AHNAK2: variants seen among roughly 807,000 people sequenced by gnomAD.
AHNAK2 encodes AHNAK nucleoprotein 2.
AHNAK2 carries 18 observed loss-of-function variants against 30.7 expected under a neutral mutation model. The observed-to-expected ratio is 0.59, with a 90% CI of 0.41 to 0.87. The LOEUF (loss-of-function observed/expected upper bound fraction) is 0.87. Among genes scored for constraint, AHNAK2 ranks in the 40% least tolerant of loss-of-function variants. The probability of loss-of-function intolerance (pLI) is 0.00; values close to 1 mark genes in which losing one functional copy is unlikely to be tolerated. For synonymous variants in AHNAK2, 3,590 were observed against 3,073.8 expected (o/e 1.17, Z -5.56); for missense variants, 8,604 against 7,373.0 (o/e 1.17, Z -6.11).
At position 104,948,929 on chromosome 14, in the gene AHNAK2, G is replaced by A. The variant is rs755497062; in HGVS notation, c.6522C>T (p.Ala2174=). 4 of 1,555,812 alleles carry A rather than the reference G, an allele frequency of 2.6e-6. No homozygotes were observed. The highest frequency in any genetic ancestry group is 1.7e-5 in the Admixed American group (1 of 57,608). The change falls in exon 7 of 7, where the codon GCC becomes GCT. Residue 2174 remains alanine, a synonymous_variant. Transcript: ENST00000333244. ...CCTTGGGTGGAGACACATCCACCGA[G>A]GCCTCGATGGACTTGCCTGGGGCAG... The part of the protein sequence containing the change: ...GVSAPGKSIE[A]SVDVSPPKVE...
At chr14:104,961,472 G>A (rs766465031) in intron 1 of AHNAK2, among the ~76,000 whole-genome samples, 1 of 149,402 alleles carries the variant, frequency 6.7e-6, no homozygotes, top group Non-Finnish European at 1.5e-5. Flanking sequence ...CCGAGATCGC[G>A]TCACTGCACT....
chr14:104,941,240 T>C lies in AHNAK2; in HGVS notation c.14211A>G (p.Ser4737=), dbSNP rs758825318. The part of the protein sequence containing the change: ...SSIGLSTIPL[S]SSECSSFELQ... ...ATTCAAAACTTGAGCATTCTGAAGA[T>C]GATAAAGGAATCGTGGAAAGACCTA... Residue 4737 remains serine, a synonymous_variant, in exon 7 of 7, where the codon TCA becomes TCG. Transcript: ENST00000333244. 1.5e-5 allele frequency: 25 copies of C among 1,613,532 alleles called. No homozygotes were observed. The Admixed American group carries it at 1.7e-4, about 11-fold the overall frequency.
At position 104,942,251 on chromosome 14, in the gene AHNAK2, CT is replaced by C; in HGVS notation, c.13199del (p.Gln4400ArgfsTer2). ...KVPKVDLKGP[Q>X]IDVNVPKLDL... The stretch of plus-strand genomic sequence containing the variant: ...CCAGCTTGGGGACATTAACGTCTAT[CT>C]GGGGACCCTTGAGGTCCACTTTGGG... On this transcript the variant is annotated frameshift_variant, in exon 7 of 7. Coordinates refer to ENST00000333244, the MANE Select transcript of AHNAK2 (RefSeq NM_138420.4). LOFTEE classifies it low-confidence loss of function (END_TRUNC). 1 of 1,613,124 alleles carries C rather than the reference CT, an allele frequency of 6.2e-7. No individual in the cohort carries two copies. The highest frequency in any genetic ancestry group is 8.5e-7 in the Non-Finnish European group (1 of 1,179,770).
rs777292646 is a variant in AHNAK2, at chr14:104,945,617, G to C, written c.9834C>G (p.Val3278=). 6.4e-5 allele frequency: 102 copies of C among 1,594,382 alleles called. 2 individuals carry two copies. The highest frequency in any genetic ancestry group is 5.3e-4 in the Admixed American group (31 of 58,730). Reference sequence around the variant, plus strand: ...CATCCAACTTGGCTCCTGGGGCCTCGACGTCCACCTCCATGCTGGGCTGAG... The same window carrying C: ...CATCCAACTTGGCTCCTGGGGCCTCCACGTCCACCTCCATGCTGGGCTGAG... ...EVSQPSMEVD[V]EAPGAKLDGA... The change falls in exon 7 of 7, where the codon GTC becomes GTG. Residue 3278 remains valine, a synonymous_variant. Transcript: ENST00000333244.
At position 104,949,917 on chromosome 14, in the gene AHNAK2, G is replaced by C. The variant is rs201136817; in HGVS notation, c.5534C>G (p.Ser1845Trp). The C allele has an allele frequency of 6.3e-7, 1 of 1,588,966 alleles. No individual in the cohort carries two copies. The highest frequency in any genetic ancestry group is 8.6e-7 in the Non-Finnish European group (1 of 1,163,736). ...CACCTTCGGCGCAGACACATCCACC[G>C]AGGCCTCGATGGACTTGCCTGGGGC... is the stretch of plus-strand genomic sequence containing the variant. ...VSAPGKSIEA[S>W]VDVSAPKVEA... The change falls in exon 7 of 7, where the codon TCG becomes TGG. Residue 1845 changes from serine (S) to tryptophan (W), a missense_variant. Coordinates refer to ENST00000333244, the MANE Select transcript of AHNAK2 (RefSeq NM_138420.4).
At chr14:104,960,316 C>T (rs993317116) in intron 1 of AHNAK2, among the ~76,000 whole-genome samples, 2 of 152,182 alleles carry the variant, frequency 1.3e-5, no homozygotes, top group African/African-American at 2.4e-5. Flanking sequence ...CCAAAAATTG[C>T]ACCTGTACTG....
At position 104,945,980 on chromosome 14, in the gene AHNAK2, G is replaced by T. The variant is rs887704477; in HGVS notation, c.9471C>A (p.Ala3157=). 2 of 1,261,388 alleles carry T rather than the reference G, an allele frequency of 1.6e-6. 1 individual carries two copies. 78.1% of individuals were successfully genotyped at this position (1,261,388 alleles called of 1,614,324 possible). Residue 3157 remains alanine (A), a synonymous_variant, in exon 7 of 7, where the codon GCC becomes GCA. Transcript: ENST00000333244. ...CCAAGACCTCAATGGACTTGCCTGG[G>T]GCAGACACCCCGAACGACGGCATCT... is the stretch of plus-strand genomic sequence containing the variant. ...KFKMPSFGVS[A]PGKSIEVLVD...
Position 104,950,094 on chromosome 14 carries a change from A to T in AHNAK2, c.5357T>A (p.Leu1786Gln), listed in dbSNP as rs768322267. 14 of 1,586,824 alleles carry T rather than the reference A, an allele frequency of 8.8e-6. 1 individual carries two copies. The African/African-American group carries it at 1.1e-4, about 13-fold the overall frequency. Reference protein sequence around the residue: ...EVMAPDVEVSLPSVEVDVEAP... With the variant: ...EVMAPDVEVSQPSVEVDVEAP... Reference sequence around the variant, plus strand: ...CTCGACGTCCACCTCCACGCTGGGCAGAGACACCTCCACGTCGGGGGCCAT... The same window carrying T: ...CTCGACGTCCACCTCCACGCTGGGCTGAGACACCTCCACGTCGGGGGCCAT... The change falls in exon 7 of 7, where the codon CTG (leucine) becomes CAG (glutamine). Residue 1786 changes from leucine to glutamine, a missense_variant. Coordinates refer to ENST00000333244, the MANE Select transcript of AHNAK2 (RefSeq NM_138420.4).
Position 104,957,819 on chromosome 14 carries a change from G to A in AHNAK2, c.56-147C>T, listed in dbSNP as rs1000281306. On this transcript the variant is annotated intron_variant, in intron 1 of 6. Transcript: ENST00000333244. Reference sequence around the variant, plus strand: ...ATCGGAGAGCAAACTCAGGGGCTGGGGGAAGATCTATAGCCAATGGGCTGG... The same window carrying A: ...ATCGGAGAGCAAACTCAGGGGCTGGAGGAAGATCTATAGCCAATGGGCTGG... 37 of 804,582 alleles carry A rather than the reference G, an allele frequency of 4.6e-5. No homozygotes were observed. In the African/African-American group the frequency reaches 5.3e-4, roughly 11 times the overall value. 49.8% of individuals were successfully genotyped at this position (804,582 alleles called of 1,614,324 possible). A position where few individuals can be genotyped will look rare whatever the true frequency, so the allele number is the denominator to read the frequency against.
In AHNAK2 at chr14:104,946,603, C is replaced by A. The variant is rs773267236; in HGVS notation, c.8848G>T (p.Ala2950Ser). The A allele has an allele frequency of 4.3e-6, 7 of 1,612,810 alleles. No individual in the cohort carries two copies. Among genetic ancestry groups the A allele is most frequent in the Admixed American group, 3.3e-5 (2 of 59,934 alleles). Residue 2950 changes from alanine (A) to serine (S), a missense_variant, in exon 7 of 7, where the codon GCC (alanine) becomes TCC (serine). Physicochemically the swap from Ala to Ser is moderately conservative, Grantham distance 99 (BLOSUM62 1). Transcript: ENST00000333244. ...SLPSVEVDVE[A>S]PRAKLDGARL... is the part of the protein sequence containing the mutation. Reference sequence around the variant, plus strand: ...GCACCATCCAGCTTTGCTCTCGGGGCCTCGACGTCCACCTCCACGCTGGGC... The same window carrying A: ...GCACCATCCAGCTTTGCTCTCGGGGACTCGACGTCCACCTCCACGCTGGGC...
Position 104,945,742 on chromosome 14 carries a change from G to A in AHNAK2, c.9709C>T (p.Pro3237Ser). ...TGGGGGCCCTTGCGATCTACTTTGGGCATCTTGAAACTGGGCATCTGCAAC... is the reference window on the plus strand; with the variant it reads ...TGGGGGCCCTTGCGATCTACTTTGGACATCTTGAAACTGGGCATCTGCAAC... ...PKLQMPSFKM[P>S]KVDRKGPQID... Residue 3237 changes from proline to serine, a missense_variant, in exon 7 of 7, where the codon CCC becomes TCC. Transcript: ENST00000333244. 1.3e-6 allele frequency: 2 copies of A among 1,597,984 alleles called. No individual in the cohort carries two copies. Among genetic ancestry groups the A allele is most frequent in the Non-Finnish European group, 1.7e-6 (2 of 1,170,988 alleles).
rs561568449 is a variant in AHNAK2, at chr14:104,950,741, G to T, written c.4710C>A (p.Ala1570=). Residue 1570 remains alanine, a synonymous_variant, in exon 7 of 7, where the codon GCC becomes GCA. Transcript: ENST00000333244. ...KLPEGPVSEG[A]GLKGHLPKVQ... ...CTTTGGGCAGGTGCCCTTTGAGGCC[G>T]GCTCCCTCGGACACAGGGCCCTCTG... The T allele has an allele frequency of 7.6e-6, 12 of 1,587,436 alleles. 2 individuals are homozygous for T. Among genetic ancestry groups the T allele is most frequent in the African/African-American group, 1.4e-5 (1 of 73,646 alleles).
In AHNAK2 at chr14:104,957,430, C is replaced by G. The variant is rs1485210244; in HGVS notation, c.193G>C (p.Ala65Pro). ...SSPVYEYTTEAADFGLQEDAP... is the reference protein window; with the variant it reads ...SSPVYEYTTEPADFGLQEDAP... ...CTCACCTGGAGTCCAAAGTCGGCAGCCTCAGTCGTGTATTCGTAGACAGGT... is the reference window on the plus strand; with the variant it reads ...CTCACCTGGAGTCCAAAGTCGGCAGGCTCAGTCGTGTATTCGTAGACAGGT... Residue 65 changes from alanine (A) to proline (P), a missense_variant, in exon 3 of 7, where the codon GCT (alanine) becomes CCT (proline). Ala to Pro is a conservative substitution (Grantham distance 27). Coordinates refer to ENST00000333244, the MANE Select transcript of AHNAK2 (RefSeq NM_138420.4). The G allele has an allele frequency of 6.3e-7, 1 of 1,592,286 alleles. No homozygotes were observed. The highest frequency in any genetic ancestry group is 8.6e-7 in the Non-Finnish European group (1 of 1,164,104).
chr14:104,964,754 AGGGCTGAAGTCACCAGG>A (rs1490415042), intron 1 of AHNAK2, among the ~76,000 whole-genome samples: 4 of 152,364 alleles, frequency 2.6e-5, no homozygotes, highest in African/African-American at 9.6e-5. Context: ...CAGGCCACCT[AGGGCTGAAGTCACCAGG>A]GGGAGCAGGC....
rs1489510148 is a variant in AHNAK2 at position 104,938,469 on chromosome 14, G to T, written c.16982C>A (p.Thr5661Lys). Residue 5661 changes from threonine to lysine, a missense_variant, in exon 7 of 7, where the codon ACA (threonine) becomes AAA (lysine). By Grantham distance (78) the Thr-to-Lys change is moderately conservative. Transcript: ENST00000333244. ...NIGFSSSVDE[T>K]GVDSKNDVQR... ...GACGTCATTTTTGGAATCAACACCT[G>T]TCTCATCAACAGAAGAGGAAAACCC... 6.2e-7 allele frequency: 1 copy of T among 1,613,762 alleles called. No homozygotes were observed. Among genetic ancestry groups the T allele is most frequent in the Non-Finnish European group, 8.5e-7 (1 of 1,179,882 alleles).
At position 104,949,180 on chromosome 14, in the gene AHNAK2, C is replaced by G. The variant is rs546195859; in HGVS notation, c.6271G>C (p.Val2091Leu). 2.8e-6 allele frequency: 3 copies of G among 1,066,520 alleles called. 1 individual carries two copies. The Admixed American group carries it at 6.4e-5, about 23-fold the overall frequency. The allele number at this position is 1,066,520 out of a possible 1,614,324, so 66.1% of individuals were successfully genotyped here. Residue 2091 changes from valine to leucine, a missense_variant, in exon 7 of 7, where the codon GTG becomes CTG. Physicochemically the swap from Val to Leu is conservative, Grantham distance 32. Coordinates refer to ENST00000333244, the MANE Select transcript of AHNAK2 (RefSeq NM_138420.4). ...MPKVDLKGPQ[V>L]DIKGPKLDLK... ...TCCAGTTTGGGGCCCTTGATGTCCA[C>G]CTGGGGGCCCTTGAGGTCCACTTTG... is the stretch of plus-strand genomic sequence containing the variant.
rs140208061 is a variant in AHNAK2, at chr14:104,952,357, G to A, written c.3094C>T (p.Leu1032=). The A allele has an allele frequency of 2.5e-6, 4 of 1,598,088 alleles. No individual in the cohort carries two copies. The African/African-American group carries it at 4.3e-5, about 17-fold the overall frequency. Residue 1032 remains leucine, a synonymous_variant, in exon 7 of 7, where the codon CTG becomes TTG. Coordinates refer to ENST00000333244, the MANE Select transcript of AHNAK2 (RefSeq NM_138420.4). The part of the protein sequence containing the change: ...DVSAPKVEAD[L]SLPSMQGDLK... ...TCCCCCTGCATGGAGGGGAGACTCA[G>A]GTCGGCCTCCACCTTGGGTGCAGAC...
chr14:104,940,574 C>T lies in AHNAK2; in HGVS notation c.14877G>A (p.Lys4959=). ...KGSPLKMPKI[K]LPSFRWSPKK... ...TCGGGGACCACCTAAATGATGGAAG[C>T]TTAATCTTAGGCATTTTCAAGGGAC... is the stretch of plus-strand genomic sequence containing the variant. The change falls in exon 7 of 7, where the codon AAG becomes AAA. Residue 4959 remains lysine (K), a synonymous_variant. Transcript: ENST00000333244. The surrounding 1 kb of genome is among the most constrained non-coding windows in gnomAD (Gnocchi z 4.4). 1 of 1,613,740 alleles carries T rather than the reference C, an allele frequency of 6.2e-7. No homozygotes were observed. The highest frequency in any genetic ancestry group is 8.5e-7 in the Non-Finnish European group (1 of 1,179,878).
chr14:104,956,635 G>C lies in AHNAK2; in HGVS notation c.268C>G (p.Arg90Gly), dbSNP rs540252047. ...SAGRRRSWWK[R>G]DSGDSRTFFR... ...AATGTCCGTGAGTCCCCTGAATCTC[G>C]CTTCCACCAGGATCTCCGTCTCCCA... Residue 90 changes from arginine to glycine, a missense_variant, in exon 4 of 7, where the codon CGA becomes GGA. Arg to Gly is a moderately radical substitution (Grantham distance 125, BLOSUM62 -2). Transcript: ENST00000333244. The C allele has an allele frequency of 3.7e-6, 6 of 1,613,800 alleles. No homozygotes were observed. The highest frequency in any genetic ancestry group is 3.3e-5 in the South Asian group (3 of 91,078).
Sources: allele counts gnomAD v4.1 joint callset (sites outside exome capture counted in the v4.1 genomes callset), GRCh38; gene constraint gnomAD v4.1.1; non-coding constraint Gnocchi (gnomAD v3.1); transcripts MANE v1.5; gene names NCBI Gene and HGNC (gene_info 2026-07-23, HGNC 2026-07-21).